Variants in QKI observed in about 807,000 individuals in gnomAD.
QKI encodes QKI, KH domain containing RNA binding, also known as KH domain-containing RNA-binding protein QKI.
In QKI, 10 loss-of-function variants were observed where a neutral mutation model predicts 39.0. That is an observed-to-expected ratio of 0.26 (90% CI 0.16 to 0.43). The LOEUF is 0.43. Ranked by LOEUF, QKI falls within the 20% of genes least tolerant of loss-of-function variation. The pLI is 1.00. For missense variants in QKI, 218 were observed against 428.0 expected, an observed-to-expected ratio of 0.51 and a Z score of 4.33; for synonymous variants, 204 against 155.4, an observed-to-expected ratio of 1.31 and a Z score of -2.33.
At chr6:163,525,017 TAGTA>T (rs1160994997) in intron 3 of QKI, among the ~76,000 whole-genome samples, 4 of 152,200 alleles carry the variant, frequency 2.6e-5, no homozygotes, top group South Asian at 2.1e-4. Flanking sequence ...ATTAAGTGGT[TAGTA>T]AGTGTGGTAT....
chr6:163,479,245 A>C (rs1792872390), intron 3 of QKI, among the ~76,000 whole-genome samples: 1 of 152,022 alleles, frequency 6.6e-6, no homozygotes, highest in Admixed American at 6.6e-5. Flanking sequence ...GTGCCACTGC[A>C]CTCCAGCCTG....
At chr6:163,456,999 G>T (rs2128219658) in intron 2 of QKI, among the ~76,000 whole-genome samples, 1 of 152,192 alleles carries the variant, frequency 6.6e-6, no homozygotes. Context: ...TACCTAGACA[G>T]GACCACTGTG....
intron 2 of QKI, among the ~76,000 whole-genome samples, chr6:163,470,277 T>C (rs1057215882): frequency 3.3e-5 from 5 of 152,148 alleles, no homozygotes; most frequent in Middle Eastern, 3.4e-3. Flanking sequence ...AGTCTTCGCT[T>C]GGGGGTAGGG....
intron 2 of QKI, among the ~76,000 whole-genome samples, chr6:163,478,304 G>T (rs1792784501): frequency 6.6e-6 from 1 of 152,190 alleles, no homozygotes; most frequent in Admixed American, 6.5e-5. Flanking sequence ...TTTCTGAACA[G>T]TTGCTTTGGA....
At chr6:163,532,307 T>C (rs1182833055) in intron 3 of QKI, among the ~76,000 whole-genome samples, 2 of 152,220 alleles carry the variant, frequency 1.3e-5, no homozygotes, top group Non-Finnish European at 2.9e-5. Context: ...AATGTCTTTG[T>C]CTATTTATAA....
chr6:163,434,184 G>C (rs1180707187), intron 1 of QKI, among the ~76,000 whole-genome samples: 1 of 152,050 alleles, frequency 6.6e-6, no homozygotes, highest in Admixed American at 6.5e-5. Context: ...AATGAAAATA[G>C]AAGCTGCAAT....
At chr6:163,505,895 G>C (rs1305967289) in intron 3 of QKI, among the ~76,000 whole-genome samples, 1 of 152,102 alleles carries the variant, frequency 6.6e-6, no homozygotes, top group African/African-American at 2.4e-5. Context: ...TTGGCTCTGT[G>C]TCTCCACCCA....
chr6:163,526,968 C>T (rs1292831633), intron 3 of QKI, among the ~76,000 whole-genome samples: 1 of 152,190 alleles, frequency 6.6e-6, no homozygotes, highest in Non-Finnish European at 1.5e-5. Flanking sequence ...ATAGATGTTA[C>T]AGTCCTGTTG....
At chr6:163,440,716 C>T (rs1562435947) in intron 1 of QKI, among the ~76,000 whole-genome samples, 2 of 152,100 alleles carry the variant, frequency 1.3e-5, no homozygotes, top group East Asian at 3.8e-4. Context: ...AGTTTTTGTT[C>T]ATTTAGTTTG....
chr6:163,417,676 T>C (rs141022473), intron 1 of QKI, among the ~76,000 whole-genome samples: 1 of 152,316 alleles, frequency 6.6e-6, no homozygotes, highest in East Asian at 1.9e-4. Flanking sequence ...CACTATGATA[T>C]CTCCTAGATA....
At chr6:163,434,833 T>A (rs1443160533) in intron 1 of QKI, among the ~76,000 whole-genome samples, 1 of 152,134 alleles carries the variant, frequency 6.6e-6, no homozygotes, top group Non-Finnish European at 1.5e-5. Context: ...ATATTATTAT[T>A]GGAGAAATAC....
At position 163,482,559 on chromosome 6, in the gene QKI, G is replaced by GT. The variant is rs973348646; in HGVS notation, c.402+3670dup. ...CTTTTGACTGACCAGCTGTAAATGT[G>GT]TTTTTTTGCAAGTCCCTCGTCGGGT... On this transcript the variant is annotated intron_variant, in intron 3 of 7. Coordinates refer to ENST00000361752, the MANE Select transcript of QKI (RefSeq NM_006775.3). Among the ~76,000 whole-genome samples the GT allele has an allele frequency of 6.6e-5, 10 of 152,216 alleles. No individual in the cohort carries two copies. In the East Asian group the frequency reaches 9.7e-4, roughly 15 times the overall value.
chr6:163,569,486 A>G, intron 7 of QKI: 1 of 1,275,084 alleles, frequency 7.8e-7, no homozygotes, highest in Non-Finnish European at 1.0e-6. Flanking sequence ...AGAATATAGT[A>G]GAAATAATTA....
intron 2 of QKI, among the ~76,000 whole-genome samples, chr6:163,462,963 T>A (rs1252147321): frequency 1.3e-5 from 2 of 152,188 alleles, no homozygotes; most frequent in Admixed American, 6.5e-5. Context: ...ATGTGATGAT[T>A]ATTAAAGTGG....
At chr6:163,532,332 C>T (rs1583173890) in intron 3 of QKI, among the ~76,000 whole-genome samples, 1 of 152,148 alleles carries the variant, frequency 6.6e-6, no homozygotes. Context: ...ATCTGTATCA[C>T]TTCTAGATTG....
chr6:163,513,079 T>C (rs1779582758), intron 3 of QKI, among the ~76,000 whole-genome samples: 1 of 152,176 alleles, frequency 6.6e-6, no homozygotes, highest in African/African-American at 2.4e-5. Flanking sequence ...TTTATTGTTG[T>C]TCATCTCTTA....
chr6:163,523,305 A>T (rs1029228587), intron 3 of QKI, among the ~76,000 whole-genome samples: 7 of 152,254 alleles, frequency 4.6e-5, no homozygotes, highest in Admixed American at 6.5e-5. Flanking sequence ...AGAAAAATAC[A>T]CATGTGGAAT....
At chr6:163,481,870 C>T (rs11969530) in intron 3 of QKI, among the ~76,000 whole-genome samples, 4,224 of 152,168 alleles carry the variant, frequency 0.028, 189 homozygotes, top group African/African-American at 0.096. Context: ...TGCCAAAGGT[C>T]ACACGCCAAA....
chr6:163,476,652 G>C (rs1376978004), intron 2 of QKI, among the ~76,000 whole-genome samples: 1 of 152,220 alleles, frequency 6.6e-6, no homozygotes, highest in Non-Finnish European at 1.5e-5. Context: ...ATGGTCGCTT[G>C]TTCTGTGTAT....
Sources: gnomAD v4.1 joint callset for allele counts (sites outside exome capture counted in the v4.1 genomes callset) on GRCh38, gnomAD v4.1.1 for gene constraint, MANE v1.5 for transcripts, NCBI Gene and HGNC (gene_info 2026-07-23, HGNC 2026-07-21) for gene names.